The following PYGO1 variants were observed in gnomAD, a reference collection of about 807,000 sequenced individuals.
The protein encoded by PYGO1 is pygopus homolog 1.
In PYGO1, 6 loss-of-function variants were observed where a neutral mutation model predicts 29.5. The observed-to-expected ratio is 0.20, with a 90% CI of 0.11 to 0.40. PYGO1 has a LOEUF of 0.40. Among genes scored for constraint, PYGO1 ranks in the 10% least tolerant of loss-of-function variants. The probability of loss-of-function intolerance (pLI) is 1.00; values close to 1 mark genes in which losing one functional copy is unlikely to be tolerated. For synonymous variants in PYGO1, 186 were observed against 180.5 expected, an observed-to-expected ratio of 1.03 and a Z score of -0.24; for missense variants, 515 against 514.9, an observed-to-expected ratio of 1.00 and a Z score of 0.00.
intron 1 of PYGO1, among the ~76,000 whole-genome samples, chr15:55,587,515 T>C (rs1270963863): frequency 6.6e-6 from 1 of 152,008 alleles, no homozygotes; most frequent in African/African-American, 2.4e-5. Context: ...TGTCTGTTTT[T>C]CACCCTTTGA....
At chr15:55,577,080 G>A (rs1046565285) in intron 1 of PYGO1, among the ~76,000 whole-genome samples, 2 of 151,972 alleles carry the variant, frequency 1.3e-5, no homozygotes, top group African/African-American at 2.4e-5. Context: ...CCCTGCCAAT[G>A]TAAACTGATA....
intron 1 of PYGO1, among the ~76,000 whole-genome samples, chr15:55,557,580 T>C (rs11634867): frequency 0.38 from 57,452 of 152,094 alleles, 13,986 homozygotes; most frequent in Non-Finnish European, 0.55. Context: ...TGAACACTGA[T>C]GCAGAAATCC....
chr15:55,555,615 T>C (rs1333190602), intron 1 of PYGO1, among the ~76,000 whole-genome samples: 1 of 151,736 alleles, frequency 6.6e-6, no homozygotes, highest in African/African-American at 2.4e-5. Flanking sequence ...ATGGCACATG[T>C]ATACATATGT....
intron 1 of PYGO1, among the ~76,000 whole-genome samples, chr15:55,565,960 T>C (rs1025965560): frequency 6.6e-6 from 1 of 152,156 alleles, no homozygotes; most frequent in Non-Finnish European, 1.5e-5. Context: ...TTTTGTATTT[T>C]TAGTAGAGAC....
In PYGO1 at chr15:55,546,674, A is replaced by C. The variant is rs1380967534; in HGVS notation, c.609T>G (p.Asn203Lys). The change falls in exon 3 of 3, where the codon AAT becomes AAG. Residue 203 changes from asparagine (N) to lysine (K), a missense_variant. Transcript: ENST00000563719. ...SQVSNPDLAS[N>K]FVPGNNSNFT... is the part of the protein sequence containing the mutation. ...AATTTGAATTATTTCCAGGAACAAA[A>C]TTAGATGCCAAATCGGGGTTAGAAA... 4 of 1,614,000 alleles carry C rather than the reference A, an allele frequency of 2.5e-6. No individual in the cohort carries two copies. Among genetic ancestry groups the C allele is most frequent in the Non-Finnish European group, 3.4e-6 (4 of 1,180,008 alleles).
intron 1 of PYGO1, among the ~76,000 whole-genome samples, chr15:55,579,928 T>A (rs971672120): frequency 6.6e-6 from 1 of 152,206 alleles, no homozygotes; most frequent in East Asian, 1.9e-4. Context: ...TTTTATGGTA[T>A]TAATTTTATA....
chr15:55,552,176 GA>G (rs1401594145), intron 1 of PYGO1, among the ~76,000 whole-genome samples: 1 of 151,604 alleles, frequency 6.6e-6, no homozygotes, highest in Non-Finnish European at 1.5e-5. Flanking sequence ...CAAACATGGC[GA>G]AACCCCGTCT....
At chr15:55,575,871 C>T (rs946839839) in intron 1 of PYGO1, among the ~76,000 whole-genome samples, 1 of 152,178 alleles carries the variant, frequency 6.6e-6, no homozygotes, top group African/African-American at 2.4e-5. Flanking sequence ...TGAGTTTATA[C>T]TCCACAGGGC....
chr15:55,564,933 A>C (rs1461921955), intron 1 of PYGO1, among the ~76,000 whole-genome samples: 1 of 152,094 alleles, frequency 6.6e-6, no homozygotes, highest in Non-Finnish European at 1.5e-5. Flanking sequence ...TGTAGGATTA[A>C]CATCCTACTT....
At chr15:55,548,574 C>T (rs1463620930) in intron 2 of PYGO1, among the ~76,000 whole-genome samples, 5 of 151,134 alleles carry the variant, frequency 3.3e-5, no homozygotes, top group Admixed American at 1.3e-4. Context: ...GGCATGGTGG[C>T]GCGTGCCTGT....
intron 1 of PYGO1, among the ~76,000 whole-genome samples, chr15:55,574,496 C>T (rs1181690466): frequency 1.3e-5 from 2 of 152,086 alleles, no homozygotes; most frequent in Non-Finnish European, 2.9e-5. Flanking sequence ...CTAGTGTCTA[C>T]ATATATTTTA....
At position 55,588,202 on chromosome 15, in the gene PYGO1, C is replaced by T; in HGVS notation, c.-319G>A. On this transcript the variant is annotated 5_prime_UTR_variant, in exon 1 of 3. Transcript: ENST00000563719. ...GCGAGTGCGCCGCCGCCGCCGCCGC[C>T]TCCTCCCACTCCTTCTTCTTCGCCG... 1 of 223,456 alleles carries T rather than the reference C, an allele frequency of 4.5e-6. No individual in the cohort carries two copies. Among genetic ancestry groups the T allele is most frequent in the Non-Finnish European group, 7.4e-6 (1 of 134,978 alleles). The allele number at this position is 223,456 out of a possible 1,614,324, so 13.8% of individuals were successfully genotyped here. A position where few individuals can be genotyped will look rare whatever the true frequency, so the allele number is the denominator to read the frequency against.
chr15:55,539,409 C>T lies in PYGO1; in HGVS notation c.*6614G>A, dbSNP rs1462263498. 6.6e-6 allele frequency: 1 copy of T among 151,644 alleles called. No homozygotes were observed. The highest frequency in any genetic ancestry group is 1.5e-5 in the Non-Finnish European group (1 of 67,852). The allele number at this position is 151,644 out of a possible 1,614,324, so 9.4% of individuals were successfully genotyped here. A position where few individuals can be genotyped will look rare whatever the true frequency, so the allele number is the denominator to read the frequency against. On this transcript the variant is annotated 3_prime_UTR_variant, in exon 3 of 3. Coordinates refer to ENST00000563719, the MANE Select transcript of PYGO1 (RefSeq NM_001367806.1). ...CAGTTATCAAGCCAATTTCATTTGT[C>T]TGAGAATTGTAACCTGGTCATTAAC...
chr15:55,586,597 C>T (rs2059047624), intron 1 of PYGO1, among the ~76,000 whole-genome samples: 1 of 152,222 alleles, frequency 6.6e-6, no homozygotes, highest in Non-Finnish European at 1.5e-5. Flanking sequence ...AGGACTCTTT[C>T]CTTGCTCACT....
At chr15:55,572,884 T>G (rs373860868) in intron 1 of PYGO1, among the ~76,000 whole-genome samples, 1 of 150,590 alleles carries the variant, frequency 6.6e-6, no homozygotes, top group African/African-American at 2.4e-5. Flanking sequence ...AAAAAATAAA[T>G]AAATAAAGCC....
At position 55,542,594 on chromosome 15, in the gene PYGO1, C is replaced by T. The variant is rs1242840810; in HGVS notation, c.*3429G>A. On this transcript the variant is annotated 3_prime_UTR_variant, in exon 3 of 3. Transcript: ENST00000563719. ...CATGTGGACCACAAATTCTCTAGTG[C>T]ATGAGCAAGTCAAGTTCTGAGAAAG... The T allele has an allele frequency of 1.3e-5, 2 of 152,142 alleles. No individual in the cohort carries two copies. Among genetic ancestry groups the T allele is most frequent in the African/African-American group, 4.8e-5 (2 of 41,422 alleles). The allele number at this position is 152,142 out of a possible 1,614,324, so 9.4% of individuals were successfully genotyped here.
intron 1 of PYGO1, among the ~76,000 whole-genome samples, chr15:55,549,463 A>C (rs557884109): frequency 1.3e-5 from 2 of 152,126 alleles, no homozygotes; most frequent in Non-Finnish European, 2.9e-5. Flanking sequence ...TTATTTTGTA[A>C]TAGCTGAGTA....
chr15:55,571,554 C>T (rs569881698), intron 1 of PYGO1, among the ~76,000 whole-genome samples: 23 of 152,214 alleles, frequency 1.5e-4, no homozygotes, highest in African/African-American at 5.1e-4. Context: ...CGAGATCTGA[C>T]GGTTTTACAA....
Position 55,557,649 on chromosome 15 carries a change from T to C in PYGO1, c.50-8654A>G, listed in dbSNP as rs189278134. The stretch of plus-strand genomic sequence containing the variant: ...ACATCAAAAAGCTTATCCACCATGA[T>C]CAAGTGGGCTTCATCCTTGGGATGC... On this transcript the variant is annotated intron_variant, in intron 1 of 2. Coordinates refer to ENST00000563719, the MANE Select transcript of PYGO1 (RefSeq NM_001367806.1). Among the ~76,000 whole-genome samples, 594 of 152,246 alleles carry C rather than the reference T, an allele frequency of 3.9e-3. 6 individuals are homozygous for C. Among genetic ancestry groups the C allele is most frequent in the African/African-American group, 0.014 (568 of 41,528 alleles).
Sources: allele counts gnomAD v4.1 joint callset (sites outside exome capture counted in the v4.1 genomes callset), GRCh38; gene constraint gnomAD v4.1.1; transcripts MANE v1.5; gene names NCBI Gene and HGNC (gene_info 2026-07-23, HGNC 2026-07-21).